The following PANX1 variants were observed in gnomAD, a reference collection of about 807,000 sequenced individuals.
PANX1 encodes the protein pannexin 1.
A neutral mutation model predicts 38.7 loss-of-function variants in PANX1; 30 were observed. The observed-to-expected ratio is 0.78, with a 90% CI of 0.58 to 1.05. The LOEUF is 1.05. PANX1 is among the 50% of genes least tolerant of loss of function. PANX1 has a pLI of 0.00. For synonymous variants in PANX1, 230 were observed against 212.2 expected (o/e 1.08, Z -0.73); for missense variants, 551 against 517.2 (o/e 1.07, Z -0.63).
At chr11:94,140,587 G>T (rs1367051385) in intron 1 of PANX1, among the ~76,000 whole-genome samples, 1 of 152,096 alleles carries the variant, frequency 6.6e-6, no homozygotes, top group Non-Finnish European at 1.5e-5. Context: ...CTGTTTATGG[G>T]CTAGTATGTT....
At chr11:94,129,761 C>A (rs1946605094) in intron 1 of PANX1, among the ~76,000 whole-genome samples, 1 of 152,128 alleles carries the variant, frequency 6.6e-6, no homozygotes, top group Non-Finnish European at 1.5e-5. Context: ...GTTTATGTTC[C>A]ACCCTTAGAA....
intron 2 of PANX1, among the ~76,000 whole-genome samples, chr11:94,155,462 A>C (rs1179365152): frequency 1.3e-5 from 2 of 151,964 alleles, no homozygotes; most frequent in African/African-American, 2.4e-5. Context: ...TGAAGAGAGC[A>C]GAGATCACAC....
Position 94,179,678 on chromosome 11 carries a change from A to T in PANX1, c.622A>T (p.Asn208Tyr). The change falls in exon 4 of 5, where the codon AAT becomes TAT. Residue 208 changes from asparagine (N) to tyrosine (Y), a missense_variant. Transcript: ENST00000227638. ...CTTGAAGACAAAGAAAAATTCTAAT[A>T]ATTTAATCATCAAGTACATTAGCTG... ...QYLKTKKNSNNLIIKYISCRL... is the reference protein window; with the variant it reads ...QYLKTKKNSNYLIIKYISCRL... 1.2e-6 allele frequency: 2 copies of T among 1,613,626 alleles called. No homozygotes were observed. Among genetic ancestry groups the T allele is most frequent in the Non-Finnish European group, 1.7e-6 (2 of 1,179,700 alleles).
In PANX1 at chr11:94,178,614, G is replaced by A. The variant is rs1040777689; in HGVS notation, c.545+22G>A. On this transcript the variant is annotated intron_variant, in intron 3 of 4. Transcript: ENST00000227638. Reference sequence around the variant, plus strand: ...AAAGGTAACTTAGCCCCAGCAGGCAGCTCATCGGGTTTTGTAGGACAAATT... The same window carrying A: ...AAAGGTAACTTAGCCCCAGCAGGCAACTCATCGGGTTTTGTAGGACAAATT... 2.5e-6 allele frequency: 4 copies of A among 1,580,200 alleles called. No individual in the cohort carries two copies. The African/African-American group carries it at 4.0e-5, about 16-fold the overall frequency.
intron 2 of PANX1, among the ~76,000 whole-genome samples, chr11:94,154,852 A>G (rs1040844650): frequency 4.6e-5 from 7 of 152,268 alleles, no homozygotes; most frequent in South Asian, 4.1e-4. Flanking sequence ...TATTCTTACA[A>G]TAAGCTAGAG....
intron 2 of PANX1, chr11:94,175,692 A>G: frequency 1.9e-5 from 18 of 951,216 alleles, no homozygotes; most frequent in Non-Finnish European, 2.1e-5. Context: ...TTTTTAAACT[A>G]ATGGGCACCC....
chr11:94,176,050 T>G (rs2134523079), intron 2 of PANX1, among the ~76,000 whole-genome samples: 1 of 151,704 alleles, frequency 6.6e-6, no homozygotes, highest in South Asian at 2.1e-4. Flanking sequence ...CAAATAAAAT[T>G]TAGCATTAAG....
At chr11:94,168,285 A>G (rs1350995730) in intron 2 of PANX1, among the ~76,000 whole-genome samples, 1 of 152,130 alleles carries the variant, frequency 6.6e-6, no homozygotes, top group African/African-American at 2.4e-5. Context: ...TTGATTAACT[A>G]TGATGCAGGG....
intron 1 of PANX1, among the ~76,000 whole-genome samples, chr11:94,150,016 G>A (rs1249907469): frequency 1.3e-5 from 2 of 151,312 alleles, no homozygotes; most frequent in Admixed American, 1.3e-4. Flanking sequence ...GCACATCTCT[G>A]ATTTAAAGAT....
At chr11:94,168,633 C>T (rs966282682) in intron 2 of PANX1, among the ~76,000 whole-genome samples, 20 of 151,540 alleles carry the variant, frequency 1.3e-4, no homozygotes, top group African/African-American at 4.9e-4. Flanking sequence ...GGTCAGCAAA[C>T]TTCTGCAGAG....
rs762858513 is a variant in PANX1 at position 94,180,291 on chromosome 11, C to A, written c.1201+34C>A. The A allele has an allele frequency of 5.9e-6, 9 of 1,515,810 alleles. No homozygotes were observed. In the Admixed American group the frequency reaches 1.4e-4, roughly 24 times the overall value. 93.9% of individuals were successfully genotyped at this position (1,515,810 alleles called of 1,614,324 possible). A position where few individuals can be genotyped will look rare whatever the true frequency, so the allele number is the denominator to read the frequency against. ...TGCTTTTGGCAGAGGCTACGGGAGT[C>A]TACCGAGAGCCTTTGCAGCAGCCTT... On this transcript the variant is annotated intron_variant, in intron 4 of 4. Transcript: ENST00000227638.
chr11:94,167,085 T>G (rs879476761), intron 2 of PANX1, among the ~76,000 whole-genome samples: 3 of 152,096 alleles, frequency 2.0e-5, no homozygotes, highest in Non-Finnish European at 2.9e-5. Context: ...TCTAAATGCT[T>G]CTTTTGTGGG....
At chr11:94,153,673 A>T in intron 2 of PANX1, 43 bp downstream of exon 2, 1 of 1,572,894 alleles carries the variant, frequency 6.4e-7, no homozygotes, top group Non-Finnish European at 8.7e-7. Flanking sequence ...TGCTTTATAG[A>T]TAAGGAAACT....
chr11:94,168,089 GACAATTTCTT>G (rs578161250), intron 2 of PANX1, among the ~76,000 whole-genome samples: 456 of 152,252 alleles, frequency 3.0e-3, no homozygotes, highest in Non-Finnish European at 4.6e-3. Flanking sequence ...AAGATGATTA[GACAATTTCTT>G]CACAATTTTT....
intron 1 of PANX1, among the ~76,000 whole-genome samples, chr11:94,133,836 T>C (rs1244767685): frequency 6.6e-6 from 1 of 152,124 alleles, no homozygotes; most frequent in Non-Finnish European, 1.5e-5. Context: ...AAGTGCTCCA[T>C]AGGAATTTAG....
At chr11:94,146,947 G>T (rs1475342336) in intron 1 of PANX1, among the ~76,000 whole-genome samples, 4 of 152,174 alleles carry the variant, frequency 2.6e-5, no homozygotes, top group African/African-American at 9.6e-5. Context: ...CCTTGTTTTA[G>T]AAGACACACA....
chr11:94,132,322 A>T (rs1317966798), intron 1 of PANX1, among the ~76,000 whole-genome samples: 1 of 152,220 alleles, frequency 6.6e-6, no homozygotes, highest in East Asian at 1.9e-4. Flanking sequence ...GGGCAGTGTC[A>T]GAAGTGTGTA....
Position 94,180,026 on chromosome 11 carries a change from G to C in PANX1, c.970G>C (p.Gly324Arg), listed in dbSNP as rs1216807797. 6.2e-7 allele frequency: 1 copy of C among 1,603,488 alleles called. No homozygotes were observed. The highest frequency in any genetic ancestry group is 8.5e-7 in the Non-Finnish European group (1 of 1,172,840). ...TGATGTTCTGCATTTCAAATCTGAA[G>C]GGTACAACGATTTGAGCCTCTACAA... ...TFDVLHFKSE[G>R]YNDLSLYNLF... Residue 324 changes from glycine (G) to arginine (R), a missense_variant, in exon 4 of 5, where the codon GGG (glycine) becomes CGG (arginine). Physicochemically the swap from Gly to Arg is moderately radical, Grantham distance 125. Transcript: ENST00000227638.
intron 1 of PANX1, among the ~76,000 whole-genome samples, chr11:94,144,857 G>A (rs553395639): frequency 1.3e-5 from 2 of 152,186 alleles, no homozygotes; most frequent in African/African-American, 4.8e-5. Flanking sequence ...ACCTCTCTGA[G>A]CCTTTATTTC....
Sources: allele counts gnomAD v4.1 joint callset (sites outside exome capture counted in the v4.1 genomes callset), GRCh38; gene constraint gnomAD v4.1.1; transcripts MANE v1.5; gene names NCBI Gene and HGNC (gene_info 2026-07-23, HGNC 2026-07-21).